Variants in CDON observed in about 807,000 individuals in gnomAD.
The protein encoded by CDON is cell adhesion associated, oncogene regulated, also known as cell adhesion molecule-related/down-regulated by oncogenes.
Under a neutral mutation model 120.9 loss-of-function variants are expected in CDON, and 73 were observed. The observed-to-expected ratio is 0.60, with a 90% CI of 0.50 to 0.73. The LOEUF (loss-of-function observed/expected upper bound fraction) is 0.73. Among genes scored for constraint, CDON ranks in the 30% least tolerant of loss-of-function variants. The pLI, the probability that CDON is intolerant of heterozygous loss-of-function variation, is 0.00. For missense variants in CDON, 1,470 were observed against 1,587.3 expected, an observed-to-expected ratio of 0.93 and a Z score of 1.26; for synonymous variants, 566 against 573.5, an observed-to-expected ratio of 0.99 and a Z score of 0.19.
chr11:125,974,667 T>C (rs181129599), intron 18 of CDON, among the ~76,000 whole-genome samples: 206 of 152,290 alleles, frequency 1.4e-3, no homozygotes, highest in African/African-American at 4.0e-3. Flanking sequence ...CTCATCTGTT[T>C]TTAAGTTCTA....
chr11:125,956,943 C>A lies in CDON; in HGVS notation c.*3999G>T. 2 of 798,884 alleles carry A rather than the reference C, an allele frequency of 2.5e-6. No individual in the cohort carries two copies. Among genetic ancestry groups the A allele is most frequent in the Non-Finnish European group, 3.0e-6 (2 of 659,700 alleles). The allele number at this position is 798,884 out of a possible 1,614,324, so 49.5% of individuals were successfully genotyped here. A position where few individuals can be genotyped will look rare whatever the true frequency, so the allele number is the denominator to read the frequency against. ...ATATGGGAAATAAAATACAAAAGGG[C>A]CACACCCGATGCAAAAGACTTTGCT... is the stretch of plus-strand genomic sequence containing the variant. On this transcript the variant is annotated 3_prime_UTR_variant, in exon 20 of 20. Transcript: ENST00000531738.
At chr11:126,000,396 C>T (rs1175845017) in intron 11 of CDON, among the ~76,000 whole-genome samples, 1 of 150,188 alleles carries the variant, frequency 6.7e-6, no homozygotes, top group African/African-American at 2.5e-5. Context: ...TTTGTAGATA[C>T]TGGGTCTCAC....
At chr11:126,046,019 G>C (rs541358488) in intron 1 of CDON, among the ~76,000 whole-genome samples, 1 of 151,790 alleles carries the variant, frequency 6.6e-6, no homozygotes, top group Non-Finnish European at 1.5e-5. Context: ...TTAAGTGCTA[G>C]CCCCTTTTTA....
chr11:125,957,528 T>G lies in CDON; in HGVS notation c.*3414A>C, dbSNP rs1412939277. 6.6e-6 allele frequency: 1 copy of G among 152,368 alleles called. No homozygotes were observed. Among genetic ancestry groups the G allele is most frequent in the African/African-American group, 2.4e-5 (1 of 41,596 alleles). 9.4% of individuals were successfully genotyped at this position (152,368 alleles called of 1,614,324 possible). A position where few individuals can be genotyped will look rare whatever the true frequency, so the allele number is the denominator to read the frequency against. On this transcript the variant is annotated 3_prime_UTR_variant, in exon 20 of 20. Coordinates refer to ENST00000531738, the MANE Select transcript of CDON (RefSeq NM_001378964.1). ...TGCCAAAGCTACATCATTTAAAATA[T>G]GTACAGTTTCACACACAATATTACA... is the stretch of plus-strand genomic sequence containing the variant.
intron 15 of CDON, among the ~76,000 whole-genome samples, chr11:125,988,303 G>A (rs922676863): frequency 2.0e-5 from 3 of 152,176 alleles, no homozygotes; most frequent in African/African-American, 4.8e-5. Flanking sequence ...GAACTGTGGC[G>A]AGCTATCAGC....
intron 1 of CDON, among the ~76,000 whole-genome samples, chr11:126,036,044 CATACACACACATATAA>C (rs1210065364): frequency 6.6e-6 from 1 of 152,146 alleles, no homozygotes; most frequent in African/African-American, 2.4e-5. Flanking sequence ...AGAAAAGGTA[CATACACACACATATAA>C]ATACACACAT....
At chr11:126,010,194 C>A in intron 8 of CDON, 147 bp downstream of exon 8, 1 of 648,064 alleles carries the variant, frequency 1.5e-6, no homozygotes, top group Admixed American at 2.8e-5. Context: ...AGTGAAATAC[C>A]AAGAAATACA....
rs550299800 is a variant in CDON at position 126,007,823 on chromosome 11, A to G, written c.1553-1766T>C. Among the ~76,000 whole-genome samples, 24 of 152,242 alleles carry G rather than the reference A, an allele frequency of 1.6e-4. 1 individual carries two copies. The highest frequency in any genetic ancestry group is 5.8e-4 in the African/African-American group (24 of 41,542). On this transcript the variant is annotated intron_variant, in intron 8 of 19. Coordinates refer to ENST00000531738, the MANE Select transcript of CDON (RefSeq NM_001378964.1). ...TATAATCTGGGCACTTGGGAGATAC[A>G]CTCAATACAACTGAAAAGACCTTAC...
chr11:126,018,289 C>G (rs201508023), intron 5 of CDON, 41 bp downstream of exon 5: 111 of 1,597,650 alleles, frequency 6.9e-5, no homozygotes, highest in Middle Eastern at 4.2e-4. Context: ...TTTATGAGGA[C>G]TCTTCCTCTT....
chr11:126,011,626 T>C (rs1433605662), intron 7 of CDON, among the ~76,000 whole-genome samples: 1 of 152,242 alleles, frequency 6.6e-6, no homozygotes, highest in Non-Finnish European at 1.5e-5. Context: ...TTCTGTTCTT[T>C]TGTTTAGGTA....
chr11:125,970,172 GTTTTTTTTTTTTT>G (rs36021097), intron 18 of CDON, among the ~76,000 whole-genome samples: 11 of 103,186 alleles, frequency 1.1e-4, no homozygotes, highest in Admixed American at 5.5e-4. Flanking sequence ...GGTAGTTTAT[GTTTTTTTTTTTTT>G]TTTTTTTTGA....
chr11:126,063,033 G>A (rs924561491), upstream of CDON, among the ~76,000 whole-genome samples: 1 of 151,504 alleles, frequency 6.6e-6, no homozygotes, highest in African/African-American at 2.4e-5. Context: ...GCCCGCACCC[G>A]GCCGGAGTGT....
At chr11:125,981,936 G>A (rs913981558) in intron 16 of CDON, among the ~76,000 whole-genome samples, 1 of 144,608 alleles carries the variant, frequency 6.9e-6, no homozygotes, top group African/African-American at 2.6e-5. Flanking sequence ...TTTGGAAGGT[G>A]TGGAGTACCA....
intron 15 of CDON, among the ~76,000 whole-genome samples, chr11:125,987,733 A>G (rs1249288840): frequency 6.6e-6 from 1 of 152,238 alleles, no homozygotes; most frequent in Non-Finnish European, 1.5e-5. Flanking sequence ...GAGATGATAA[A>G]TTTCATTTTT....
Position 126,004,072 on chromosome 11 carries a change from T to G in CDON, c.1856A>C (p.Asp619Ala). Residue 619 changes from aspartate to alanine, a missense_variant, in exon 10 of 20, where the codon GAT becomes GCT. Asp to Ala is a moderately radical substitution (Grantham distance 126). Coordinates refer to ENST00000531738, the MANE Select transcript of CDON (RefSeq NM_001378964.1). ...NAYFVKYRKLDDGVGMLGSWH... is the reference protein window; with the variant it reads ...NAYFVKYRKLADGVGMLGSWH... ...GCTTCCCAGCATGCCAACCCCATCA[T>G]CCAGCTGCCCAAGAGAAAACACACC... 6.2e-7 allele frequency: 1 copy of G among 1,613,828 alleles called. No individual in the cohort carries two copies.
Position 126,031,040 on chromosome 11 carries a change from C to T in CDON, c.-61-7503G>A, listed in dbSNP as rs147554411. Among the ~76,000 whole-genome samples, 444 of 152,184 alleles carry T rather than the reference C, an allele frequency of 2.9e-3. 4 individuals carry two copies. Among genetic ancestry groups the T allele is most frequent in the African/African-American group, 0.01 (420 of 41,512 alleles). On this transcript the variant is annotated intron_variant, in intron 1 of 19. Coordinates refer to ENST00000531738, the MANE Select transcript of CDON (RefSeq NM_001378964.1). The stretch of plus-strand genomic sequence containing the variant: ...GGAAACTGCTCAACTAAGAAGGGCA[C>T]GAACATAATTATCTCCAGAATAAAG...
rs112785859 is a variant in CDON at position 126,005,503 on chromosome 11, C to T, written c.1851+256G>A. ...GGTTATAGAGCTTTATGTTGAAGGG[C>T]TAAAACATTTGAATACACATGTAAA... is the stretch of plus-strand genomic sequence containing the variant. On this transcript the variant is annotated intron_variant, in intron 9 of 19. Transcript: ENST00000531738. 7,206 of 523,502 alleles carry T rather than the reference C, an allele frequency of 0.014. 360 individuals are homozygous for T. Among genetic ancestry groups the T allele is most frequent in the African/African-American group, 0.11 (6,024 of 52,412 alleles). 32.4% of individuals were successfully genotyped at this position (523,502 alleles called of 1,614,324 possible). A position where few individuals can be genotyped will look rare whatever the true frequency, so the allele number is the denominator to read the frequency against.
At chr11:125,990,371 TCCAAA>T (rs1369374579) in intron 14 of CDON, among the ~76,000 whole-genome samples, 1 of 152,188 alleles carries the variant, frequency 6.6e-6, no homozygotes, top group African/African-American at 2.4e-5. Flanking sequence ...AGTCAAGATC[TCCAAA>T]CCACACAAGT....
chr11:125,974,894 A>G (rs1348544633), intron 18 of CDON, among the ~76,000 whole-genome samples: 1 of 152,044 alleles, frequency 6.6e-6, no homozygotes, highest in East Asian at 1.9e-4. Flanking sequence ...CTTCTTACAC[A>G]TCTGGAATCT....
Sources: gnomAD v4.1 joint callset for allele counts (sites outside exome capture counted in the v4.1 genomes callset) on GRCh38, gnomAD v4.1.1 for gene constraint, MANE v1.5 for transcripts, NCBI Gene and HGNC (gene_info 2026-07-23, HGNC 2026-07-21) for gene names.